The following FBXO34 variants were observed in gnomAD, a reference collection of about 807,000 sequenced individuals.
FBXO34 encodes F-box protein 34, also known as F-box only protein 34.
In FBXO34, 12 loss-of-function variants were observed where a neutral mutation model predicts 24.5. The ratio of observed to expected loss-of-function variants is 0.49; its 90% CI spans 0.31 to 0.79. FBXO34 has a LOEUF of 0.79. Ranked by LOEUF, FBXO34 falls within the 30% of genes least tolerant of loss-of-function variation. The pLI is 0.04. For synonymous variants in FBXO34, 320 were observed against 311.9 expected, an observed-to-expected ratio of 1.03 and a Z score of -0.27; for missense variants, 823 against 857.7, an observed-to-expected ratio of 0.96 and a Z score of 0.51.
In FBXO34 at chr14:55,351,486, T is replaced by C. The variant is rs1484499435; in HGVS notation, c.1096T>C (p.Trp366Arg). 1 of 1,614,160 alleles carries C rather than the reference T, an allele frequency of 6.2e-7. No individual in the cohort carries two copies. The highest frequency in any genetic ancestry group is 1.7e-5 in the Admixed American group (1 of 60,010). ...DRCSPKEDQA[W>R]DGASQDCPPL... ...TTGTTCTCCTAAGGAGGACCAGGCCTGGGACGGTGCTTCTCAGGACTGCCC... is the reference window on the plus strand; with the variant it reads ...TTGTTCTCCTAAGGAGGACCAGGCCCGGGACGGTGCTTCTCAGGACTGCCC... The change falls in exon 2 of 2, where the codon TGG (tryptophan) becomes CGG (arginine). Residue 366 changes from tryptophan to arginine, a missense_variant. Physicochemically the swap from Trp to Arg is moderately radical, Grantham distance 101. This residue lies in a region of FBXO34 where 693 missense variants were observed against 659.1 expected (regional missense o/e 1.05). Transcript: ENST00000313833.
At chr14:55,312,645 T>C (rs59871474) in intron 1 of FBXO34, among the ~76,000 whole-genome samples, 60,298 of 152,162 alleles carry the variant, frequency 0.4, 12,232 homozygotes, top group Non-Finnish European at 0.43. Flanking sequence ...TTCTTGACTT[T>C]CGTGCACCTG....
At chr14:55,420,679 A>C in the FBXO34 span, among the ~76,000 whole-genome samples, 12 of 152,210 alleles carry the variant, frequency 7.9e-5, no homozygotes, top group African/African-American at 2.9e-4. Flanking sequence ...TTTTAAGGGA[A>C]GTGTACTGTA....
At chr14:55,284,440 A>G (rs2139657289) in intron 1 of FBXO34, among the ~76,000 whole-genome samples, 1 of 142,194 alleles carries the variant, frequency 7.0e-6, no homozygotes, top group African/African-American at 2.6e-5. Flanking sequence ...TTGAACTCGG[A>G]GGTGGAGGTT....
At chr14:55,345,707 A>G (rs1884138189) in intron 1 of FBXO34, among the ~76,000 whole-genome samples, 1 of 152,210 alleles carries the variant, frequency 6.6e-6, no homozygotes, top group South Asian at 2.1e-4. Context: ...CATTTCTGAT[A>G]ATAAACAGGT....
chr14:55,298,951 C>T lies in FBXO34; in HGVS notation c.-11+27414C>T, dbSNP rs191238063. 56 of 1,587,172 alleles carry T rather than the reference C, an allele frequency of 3.5e-5. No homozygotes were observed. The Admixed American group carries it at 9.2e-4, about 26-fold the overall frequency. On this transcript the variant is annotated intron_variant, in intron 1 of 1. Coordinates refer to ENST00000313833, the MANE Select transcript of FBXO34 (RefSeq NM_017943.4). ...AAGAACATGGGCTCTGCAGCCAAGG[C>T]CAAGAAGGCGGCCCACGACAACATG... is the stretch of plus-strand genomic sequence containing the variant.
At chr14:55,309,101 A>G (rs532025035) in intron 1 of FBXO34, among the ~76,000 whole-genome samples, 1 of 152,022 alleles carries the variant, frequency 6.6e-6, no homozygotes, top group East Asian at 1.9e-4. Context: ...TTTTGAAACT[A>G]TTTTAACTGT....
At chr14:55,387,453 G>A in the FBXO34 span, among the ~76,000 whole-genome samples, 1 of 152,196 alleles carries the variant, frequency 6.6e-6, no homozygotes, top group East Asian at 1.9e-4. Context: ...ACACTCCCCA[G>A]ACCTTTTGCT....
chr14:55,289,299 A>C (rs1014126994), intron 1 of FBXO34, among the ~76,000 whole-genome samples: 2 of 152,144 alleles, frequency 1.3e-5, no homozygotes, highest in Admixed American at 1.3e-4. Flanking sequence ...AAATCATTGA[A>C]ATCTGCATAT....
At chr14:55,379,374 A>C in the FBXO34 span, among the ~76,000 whole-genome samples, 12 of 151,782 alleles carry the variant, frequency 7.9e-5, no homozygotes, top group Admixed American at 7.9e-4. Context: ...TGTCTCATAC[A>C]AAAAAATACA....
intron 1 of FBXO34, among the ~76,000 whole-genome samples, chr14:55,332,645 T>C (rs1883636957): frequency 6.6e-6 from 1 of 152,206 alleles, no homozygotes; most frequent in Non-Finnish European, 1.5e-5. Context: ...AATGTTTTCA[T>C]AGGGAGAACT....
the FBXO34 span, chr14:55,440,461 C>T: frequency 1.2e-6 from 2 of 1,612,954 alleles, no homozygotes; most frequent in South Asian, 1.1e-5. Flanking sequence ...GACCGTAATC[C>T]CACTGTTGGG....
chr14:55,366,883 C>G (rs1293455961), downstream of FBXO34: 1 of 151,884 alleles, frequency 6.6e-6, no homozygotes, highest in Non-Finnish European at 1.5e-5. Context: ...GTAGAAAAAA[C>G]AGTGGTTGAA....
chr14:55,364,971 ACTT>A (rs767463505), downstream of FBXO34, among the ~76,000 whole-genome samples: 83 of 150,080 alleles, frequency 5.5e-4, no homozygotes, highest in South Asian at 8.4e-4. Flanking sequence ...TAATCTCAGC[ACTT>A]CTTTGGGAGG....
At chr14:55,369,522 C>G (rs1313205004), downstream of FBXO34, 1 of 1,191,090 alleles carries the variant, frequency 8.4e-7, no homozygotes, top group Non-Finnish European at 1.1e-6. Flanking sequence ...CCTCTTTGTT[C>G]CAGACACTAT....
At chr14:55,281,733 A>G (rs1485504809) in intron 1 of FBXO34, among the ~76,000 whole-genome samples, 1 of 152,234 alleles carries the variant, frequency 6.6e-6, no homozygotes, top group East Asian at 1.9e-4. Context: ...TCTATGGTGT[A>G]TATTGAGTAC....
At chr14:55,436,754 C>T in the FBXO34 span, 72 of 1,614,176 alleles carry the variant, frequency 4.5e-5, no homozygotes, top group African/African-American at 7.3e-4. Flanking sequence ...ACGTCCTGTT[C>T]GCTGGGTGAT....
intron 1 of FBXO34, among the ~76,000 whole-genome samples, chr14:55,318,859 A>G (rs1883031571): frequency 6.6e-6 from 1 of 152,048 alleles, no homozygotes; most frequent in Non-Finnish European, 1.5e-5. Flanking sequence ...TCAAGTAGGC[A>G]TTTATTGCTC....
intron 1 of FBXO34, among the ~76,000 whole-genome samples, chr14:55,272,656 T>A (rs1881195811): frequency 6.6e-6 from 1 of 151,630 alleles, no homozygotes; most frequent in South Asian, 2.1e-4. Context: ...GGAGTTTGAA[T>A]TAATCCAACA....
chr14:55,356,997 A>G (rs1361252641), downstream of FBXO34, among the ~76,000 whole-genome samples: 1 of 152,148 alleles, frequency 6.6e-6, no homozygotes, highest in Non-Finnish European at 1.5e-5. Context: ...TTTTTCCTCA[A>G]AAAAGCTAGT....
Sources: allele counts gnomAD v4.1 joint callset (sites outside exome capture counted in the v4.1 genomes callset), GRCh38; gene constraint gnomAD v4.1.1; regional missense constraint gnomAD v4.1.1; transcripts MANE v1.5; gene names NCBI Gene and HGNC (gene_info 2026-07-23, HGNC 2026-07-21).